OS9: variants seen among roughly 807,000 people sequenced by gnomAD.
OS9 encodes the protein OS9 endoplasmic reticulum lectin, also known as protein OS-9.
In OS9, 58 loss-of-function variants were observed where a neutral mutation model predicts 84.7. The observed-to-expected ratio is 0.68, with a 90% CI of 0.55 to 0.85. The LOEUF (loss-of-function observed/expected upper bound fraction) is 0.85. Among genes scored for constraint, OS9 ranks in the 40% least tolerant of loss-of-function variants. The pLI is 0.00. For synonymous variants in OS9, 278 were observed against 320.8 expected, an observed-to-expected ratio of 0.87 and a Z score of 1.43; for missense variants, 760 against 850.9, an observed-to-expected ratio of 0.89 and a Z score of 1.33.
intron 5 of OS9, among the ~76,000 whole-genome samples, chr12:57,707,174 G>C (rs533664396): frequency 6.6e-6 from 1 of 152,114 alleles, no homozygotes; most frequent in East Asian, 1.9e-4. Context: ...TATGTTGCCA[G>C]AGGCTTGTCT....
At chr12:57,718,829 C>T (rs537095464) in intron 11 of OS9, among the ~76,000 whole-genome samples, 164 bp from the exon 12 acceptor site, 19 of 152,148 alleles carry the variant, frequency 1.2e-4, no homozygotes, top group Non-Finnish European at 7.4e-5. Context: ...CGCTCGAACC[C>T]GGGAGGCGGA....
chr12:57,697,920 C>CGGA lies in OS9; in HGVS notation c.579+1547_579+1548insGGA, dbSNP rs1555192641. ...CCTAACATAAGCAAACACACACACA[C>CGGA]ACATACACACACACACACACACACA... On this transcript the variant is annotated intron_variant, in intron 5 of 14. Transcript: ENST00000315970. Among the ~76,000 whole-genome samples the CGGA allele has an allele frequency of 4.5e-3, 364 of 81,082 alleles. 4 individuals carry two copies. Among genetic ancestry groups the CGGA allele is most frequent in the African/African-American group, 6.7e-3 (147 of 22,058 alleles). 53.2% of individuals were successfully genotyped at this position (81,082 alleles called of 152,430 possible). A position where few individuals can be genotyped will look rare whatever the true frequency, so the allele number is the denominator to read the frequency against.
At chr12:57,700,146 G>C (rs907491104) in intron 5 of OS9, among the ~76,000 whole-genome samples, 1 of 151,820 alleles carries the variant, frequency 6.6e-6, no homozygotes, top group Non-Finnish European at 1.5e-5. Flanking sequence ...AATCTTTGAA[G>C]AAGTTTGGAT....
Position 57,720,402 on chromosome 12 carries a change from C to A in OS9, c.1766-4C>A. On this transcript the variant is annotated splice_polypyrimidine_tract_variant and splice_region_variant and intron_variant, in intron 13 of 14. Coordinates refer to ENST00000315970, the MANE Select transcript of OS9 (RefSeq NM_006812.4). ...TCCTCTCACTGCATACTGCTCCTTT[C>A]CAGGGAAAATTGAGATCAAAATTGT... 3 of 1,611,934 alleles carry A rather than the reference C, an allele frequency of 1.9e-6. No individual in the cohort carries two copies. The highest frequency in any genetic ancestry group is 2.5e-6 in the Non-Finnish European group (3 of 1,177,960).
At chr12:57,711,038 CAA>C (rs35365273) in intron 5 of OS9, among the ~76,000 whole-genome samples, 35,681 of 70,746 alleles carry the variant, frequency 0.5, 5,901 homozygotes, top group Middle Eastern at 0.66. Flanking sequence ...GACTCCGTCT[CAA>C]AAAAAAAAAA....
Position 57,716,754 on chromosome 12 carries a change from C to T in OS9, c.1045+10C>T, listed in dbSNP as rs770276295. 1 of 1,610,608 alleles carries T rather than the reference C, an allele frequency of 6.2e-7. No homozygotes were observed. Among genetic ancestry groups the T allele is most frequent in the Non-Finnish European group, 8.5e-7 (1 of 1,176,812 alleles). On this transcript the variant is annotated intron_variant, in intron 9 of 14. Transcript: ENST00000315970. ...TCTGGTGCTCCCAATGGTGAGTGAA[C>T]CTTCCATGTCTCCTTTACTGAATAT...
In OS9 at chr12:57,718,362, C is replaced by A. The variant is rs200345401; in HGVS notation, c.1351C>A (p.Arg451=). The change falls in exon 11 of 15, where the codon CGG becomes AGG. Residue 451 remains arginine, a synonymous_variant. Coordinates refer to ENST00000315970, the MANE Select transcript of OS9 (RefSeq NM_006812.4). ...GATCCTGCTTCCGTCAGACCGAGAC[C>A]GGCTCCGTTCGGAGGTGAAGGCTGG... is the stretch of plus-strand genomic sequence containing the variant. ...EGILLPSDRD[R]LRSEVKAGME... 1.9e-6 allele frequency: 3 copies of A among 1,614,066 alleles called. No individual in the cohort carries two copies. In the African/African-American group the frequency reaches 4.0e-5, roughly 22 times the overall value.
At chr12:57,714,086 G>T (rs1037212517) in intron 5 of OS9, among the ~76,000 whole-genome samples, 2 of 151,148 alleles carry the variant, frequency 1.3e-5, no homozygotes, top group African/African-American at 4.9e-5. Context: ...CAGCCTGGGT[G>T]ACACAGTGAG....
intron 2 of OS9, chr12:57,695,222 C>T: frequency 2.2e-6 from 1 of 451,836 alleles, no homozygotes; most frequent in East Asian, 4.4e-5. Context: ...TAAAGTCACC[C>T]CCTGCCCTAT....
At chr12:57,702,606 G>C (rs79940099) in intron 5 of OS9, among the ~76,000 whole-genome samples, 3,566 of 152,272 alleles carry the variant, frequency 0.023, 129 homozygotes, top group African/African-American at 0.079. Context: ...AGTAGAATGT[G>C]CCTTATGGTA....
rs201592970 is a variant in OS9 at position 57,700,926 on chromosome 12, C to CA, written c.579+4562dup. Among the ~76,000 whole-genome samples the CA allele has an allele frequency of 3.0e-3, 444 of 150,390 alleles. 1 individual carries two copies. Among genetic ancestry groups the CA allele is most frequent in the African/African-American group, 0.01 (410 of 40,992 alleles). Reference sequence around the variant, plus strand: ...TTAAGTTATAAAACATACAATTATACAAAAAAAAATGTCATAGAGACCCAT... The same window carrying CA: ...TTAAGTTATAAAACATACAATTATACAAAAAAAAAATGTCATAGAGACCCAT... On this transcript the variant is annotated intron_variant, in intron 5 of 14. Transcript: ENST00000315970.
chr12:57,716,284 GGGGGT>G, intron 7 of OS9, 91 bp downstream of exon 7: 1 of 763,280 alleles, frequency 1.3e-6, no homozygotes, highest in Non-Finnish European at 2.2e-6. Context: ...TGGGGTGGGG[GGGGGT>G]GGAAAAGTAC....
rs750789864 is a variant in OS9 at position 57,694,705 on chromosome 12, G to A, written c.163-45G>A. 1.9e-6 allele frequency: 3 copies of A among 1,595,184 alleles called. No individual in the cohort carries two copies. In the South Asian group the frequency reaches 3.3e-5, roughly 18 times the overall value. On this transcript the variant is annotated intron_variant, in intron 1 of 14. Transcript: ENST00000315970. ...GATTTCGTTGTTCTCCCTGATCCCA[G>A]CCTTTCTTTGCTTCCTTGCCCCCCG...
intron 1 of OS9, 103 bp from the exon 2 acceptor site, chr12:57,694,647 T>G: frequency 8.2e-7 from 1 of 1,224,560 alleles, no homozygotes; most frequent in Non-Finnish European, 1.2e-6. Context: ...TTATTCTGTC[T>G]TCGACTGATC....
intron 5 of OS9, 96 bp downstream of exon 5, chr12:57,696,469 G>T (rs1014224196): frequency 1.0e-5 from 5 of 481,326 alleles, no homozygotes; most frequent in African/African-American, 2.2e-5. Flanking sequence ...GGGGCGGGGG[G>T]GGTCCCCTCC....
chr12:57,704,119 A>G (rs1039448193), intron 5 of OS9, among the ~76,000 whole-genome samples: 3 of 152,212 alleles, frequency 2.0e-5, no homozygotes, highest in Admixed American at 2.0e-4. Flanking sequence ...TGATTTACCT[A>G]TGTTGAACCA....
chr12:57,719,166 A>G lies in OS9; in HGVS notation c.1584A>G (p.Pro528=). Residue 528 remains proline, a synonymous_variant, in exon 12 of 15, where the codon CCA becomes CCG. Transcript: ENST00000315970. The part of the protein sequence containing the change: ...KKRVVPKKPP[P]SPQPTEEDPE... Reference sequence around the variant, plus strand: ...GGGTTGTCCCCAAAAAGCCTCCCCCATCACCCCAACCTACAGGTGAGAGCA... The same window carrying G: ...GGGTTGTCCCCAAAAAGCCTCCCCCGTCACCCCAACCTACAGGTGAGAGCA... 1 of 1,614,030 alleles carries G rather than the reference A, an allele frequency of 6.2e-7. No individual in the cohort carries two copies. Among genetic ancestry groups the G allele is most frequent in the Non-Finnish European group, 8.5e-7 (1 of 1,179,972 alleles).
intron 12 of OS9, 133 bp from the exon 13 acceptor site, chr12:57,719,966 C>T (rs1415190803): frequency 1.2e-6 from 1 of 817,224 alleles, no homozygotes; most frequent in Admixed American, 2.3e-5. Flanking sequence ...TTTTTTGAGC[C>T]CTGGCTCATA....
In OS9 at chr12:57,721,105, C is replaced by T; in HGVS notation, c.*196C>T. The T allele has an allele frequency of 1.7e-6, 1 of 571,476 alleles. No homozygotes were observed. Among genetic ancestry groups the T allele is most frequent in the Non-Finnish European group, 3.1e-6 (1 of 319,988 alleles). The allele number at this position is 571,476 out of a possible 1,614,324, so 35.4% of individuals were successfully genotyped here. On this transcript the variant is annotated 3_prime_UTR_variant, in exon 15 of 15. Transcript: ENST00000315970. Reference sequence around the variant, plus strand: ...CCCCTGCTGGCAGCCACCTTGAGACCTCACCGGGCCTGTGATATTTGCTCT... The same window carrying T: ...CCCCTGCTGGCAGCCACCTTGAGACTTCACCGGGCCTGTGATATTTGCTCT...
Sources: allele counts gnomAD v4.1 joint callset (sites outside exome capture counted in the v4.1 genomes callset), GRCh38; gene constraint gnomAD v4.1.1; transcripts MANE v1.5; gene names NCBI Gene and HGNC (gene_info 2026-07-23, HGNC 2026-07-21).